Variants in PTH2R observed in about 807,000 individuals in gnomAD.
PTH2R encodes parathyroid hormone 2 receptor.
A neutral mutation model predicts 60.3 loss-of-function variants in PTH2R; 59 were observed. The ratio of observed to expected loss-of-function variants is 0.98; its 90% confidence interval spans 0.79 to 1.22. PTH2R has a LOEUF of 1.22. Ranked by LOEUF, PTH2R falls within the 50% of genes most tolerant of loss-of-function variation. The pLI is 0.00. For missense variants in PTH2R, 749 were observed against 682.6 expected (o/e 1.10, Z -1.08); for synonymous variants, 256 against 243.8 (o/e 1.05, Z -0.47).
chr2:208,428,302 A>T lies in PTH2R; in HGVS notation c.177A>T (p.Gly59=). ...ACATCACAGCTCAACTCCAGGAGGG[A>T]GGTAAAGATGCCAAGAAAATTGGCT... ...ELNITAQLQE[G]EGNCFPEWDG... Residue 59 remains glycine (G), a splice_region_variant and synonymous_variant, in exon 2 of 13, where the codon GGA becomes GGT. Transcript: ENST00000272847. The T allele has an allele frequency of 1.2e-6, 2 of 1,609,170 alleles. No individual in the cohort carries two copies. Among genetic ancestry groups the T allele is most frequent in the South Asian group, 1.1e-5 (1 of 89,882 alleles).
At chr2:208,392,059 G>A (rs1173187616) in intron 1 of PTH2R, among the ~76,000 whole-genome samples, 3 of 152,178 alleles carry the variant, frequency 2.0e-5, no homozygotes, top group Non-Finnish European at 2.9e-5. Flanking sequence ...TGGTCTGGCC[G>A]GAGGGATCTT....
At chr2:208,379,480 G>T (rs1278996125) in intron 1 of PTH2R, among the ~76,000 whole-genome samples, 1 of 152,144 alleles carries the variant, frequency 6.6e-6, no homozygotes, top group Non-Finnish European at 1.5e-5. Context: ...TCATTGGAAA[G>T]ATATTTGCTG....
chr2:208,437,988 C>T, intron 4 of PTH2R, 107 bp downstream of exon 4: 1 of 1,356,542 alleles, frequency 7.4e-7, no homozygotes, highest in South Asian at 1.4e-5. Flanking sequence ...TATTCCACGA[C>T]ACAAGGATCA....
intron 7 of PTH2R, among the ~76,000 whole-genome samples, chr2:208,447,315 G>A (rs934577558): frequency 5.3e-5 from 8 of 152,094 alleles, no homozygotes; most frequent in Non-Finnish European, 1.2e-4. Flanking sequence ...GAGGCTGGGC[G>A]CAGTGGCTCA....
intron 1 of PTH2R, among the ~76,000 whole-genome samples, chr2:208,400,927 C>A (rs1422981909): frequency 6.6e-6 from 1 of 152,096 alleles, no homozygotes; most frequent in Non-Finnish European, 1.5e-5. Context: ...AGAATAAAAG[C>A]AAATTTCATA....
chr2:208,429,891 G>A (rs1203346062), intron 2 of PTH2R, among the ~76,000 whole-genome samples: 1 of 152,102 alleles, frequency 6.6e-6, no homozygotes, highest in Non-Finnish European at 1.5e-5. Context: ...TCTATTAACT[G>A]AAGAATTTAG....
At chr2:208,447,804 T>G (rs999867981) in intron 7 of PTH2R, among the ~76,000 whole-genome samples, 2 of 152,032 alleles carry the variant, frequency 1.3e-5, no homozygotes, top group African/African-American at 4.8e-5. Flanking sequence ...CTGTTTCTTT[T>G]CATTCAACCA....
At chr2:208,373,531 C>G (rs1700740783) in intron 1 of PTH2R, among the ~76,000 whole-genome samples, 1 of 152,084 alleles carries the variant, frequency 6.6e-6, no homozygotes, top group African/African-American at 2.4e-5. Context: ...AGGACACTGT[C>G]TGCTCTTATA....
chr2:208,415,283 A>T (rs1701617679), intron 1 of PTH2R, among the ~76,000 whole-genome samples: 1 of 152,202 alleles, frequency 6.6e-6, no homozygotes, highest in African/African-American at 2.4e-5. Context: ...TAAAACATTT[A>T]AAAGGGGATT....
chr2:208,400,413 A>AG (rs1701286158), intron 1 of PTH2R, among the ~76,000 whole-genome samples: 1 of 152,208 alleles, frequency 6.6e-6, no homozygotes, highest in Non-Finnish European at 1.5e-5. Context: ...AAATGAAAGG[A>AG]TATGTCCTTC....
At chr2:208,452,574 A>G (rs1452241970) in intron 8 of PTH2R, among the ~76,000 whole-genome samples, 3 of 152,138 alleles carry the variant, frequency 2.0e-5, no homozygotes, top group African/African-American at 7.2e-5. Flanking sequence ...AGAAAAGATG[A>G]GGGGTGGAGG....
intron 9 of PTH2R, among the ~76,000 whole-genome samples, chr2:208,463,571 C>T (rs1452801031): frequency 2.0e-5 from 3 of 152,024 alleles, no homozygotes; most frequent in Admixed American, 1.3e-4. Flanking sequence ...GTGTAGATTA[C>T]GAGAGTTAAT....
At chr2:208,415,740 C>T (rs148621975) in intron 1 of PTH2R, among the ~76,000 whole-genome samples, 2 of 152,112 alleles carry the variant, frequency 1.3e-5, no homozygotes, top group East Asian at 3.9e-4. Flanking sequence ...AGCATTCAGT[C>T]AGAAAAAATT....
chr2:208,469,643 G>A (rs1317452962), intron 9 of PTH2R, among the ~76,000 whole-genome samples: 1 of 152,170 alleles, frequency 6.6e-6, no homozygotes, highest in African/African-American at 2.4e-5. Flanking sequence ...TTTTGTTAAA[G>A]TGTGTTAAAA....
At position 208,388,347 on chromosome 2, in the gene PTH2R, C is replaced by T. The variant is rs116337615; in HGVS notation, c.-259+28110C>T. On this transcript the variant is annotated intron_variant, in intron 1 of 12. Transcript: ENST00000617735. ...CAAAAACAAACAAAAAAAAACTTCACGCTTCAATGGCATCGATCCCAACAC... is the reference window on the plus strand; with the variant it reads ...CAAAAACAAACAAAAAAAAACTTCATGCTTCAATGGCATCGATCCCAACAC... 4.9e-3 allele frequency among the ~76,000 whole-genome samples: 749 copies of T among 151,972 alleles called. 3 individuals carry two copies. The highest frequency in any genetic ancestry group is 0.017 in the African/African-American group (699 of 41,462).
chr2:208,432,585 A>C (rs1436090625), intron 2 of PTH2R, among the ~76,000 whole-genome samples: 2 of 152,188 alleles, frequency 1.3e-5, no homozygotes, highest in Non-Finnish European at 1.5e-5. Context: ...GGCTCACATG[A>C]TCACAGGGTG....
chr2:208,493,261 T>G lies in PTH2R; in HGVS notation c.1258-3T>G. The G allele has an allele frequency of 6.7e-7, 1 of 1,491,684 alleles. No homozygotes were observed. 92.4% of individuals were successfully genotyped at this position (1,491,684 alleles called of 1,614,324 possible). A position where few individuals can be genotyped will look rare whatever the true frequency, so the allele number is the denominator to read the frequency against. ...CATGCACAGCATGTTTCTCGTGGCT[T>G]AGGTTCAGGCAGAGGTGAAGAAGAT... On this transcript the variant is annotated splice_region_variant and splice_polypyrimidine_tract_variant and intron_variant, in intron 12 of 12. Coordinates refer to ENST00000272847, the MANE Select transcript of PTH2R (RefSeq NM_005048.4).
intron 8 of PTH2R, among the ~76,000 whole-genome samples, chr2:208,452,431 T>C (rs1045032564): frequency 2.6e-5 from 4 of 152,250 alleles, no homozygotes; most frequent in Non-Finnish European, 5.9e-5. Context: ...AATAGCATTT[T>C]TGTATATTGT....
intron 1 of PTH2R, chr2:208,360,501 G>A (rs1292206239): frequency 6.3e-6 from 1 of 159,566 alleles, no homozygotes; most frequent in African/African-American, 2.4e-5. Context: ...CTTGTGCGGC[G>A]AGTGGAGGCC....
Sources: allele counts gnomAD v4.1 joint callset (sites outside exome capture counted in the v4.1 genomes callset), GRCh38; gene constraint gnomAD v4.1.1; transcripts MANE v1.5; gene names NCBI Gene and HGNC (gene_info 2026-07-23, HGNC 2026-07-21).